INPP4B: variants seen among roughly 807,000 people sequenced by gnomAD.
INPP4B encodes the protein inositol polyphosphate 4-phosphatase type II.
INPP4B carries 55 observed loss-of-function variants against 122.5 expected under a neutral mutation model. The observed-to-expected ratio is 0.45, with a 90% CI of 0.36 to 0.56. INPP4B has a LOEUF of 0.56. Ranked by LOEUF, INPP4B falls within the 20% of genes least tolerant of loss-of-function variation. The pLI, the probability that INPP4B is intolerant of heterozygous loss-of-function variation, is 0.00. For missense variants in INPP4B, 1,000 were observed against 1,097.7 expected (o/e 0.91, Z 1.26); for synonymous variants, 403 against 388.7 (o/e 1.04, Z -0.43).
intron 2 of INPP4B, among the ~76,000 whole-genome samples, chr4:142,689,305 C>T (rs1390212503): frequency 6.6e-6 from 1 of 152,118 alleles, no homozygotes; most frequent in African/African-American, 2.4e-5. Context: ...CCTGTTGCAC[C>T]TTGTATCTCC....
chr4:142,724,724 A>C (rs938457320), intron 2 of INPP4B, among the ~76,000 whole-genome samples: 1 of 152,156 alleles, frequency 6.6e-6, no homozygotes, highest in African/African-American at 2.4e-5. Context: ...GTTTTGAAGA[A>C]TTACCTAGAA....
intron 9 of INPP4B, among the ~76,000 whole-genome samples, chr4:142,295,492 C>T (rs1042994484): frequency 3.9e-5 from 6 of 152,170 alleles, no homozygotes; most frequent in African/African-American, 1.4e-4. Flanking sequence ...CAACCACTCA[C>T]ACATTTCTTT....
chr4:142,520,459 C>T (rs1825942747), intron 2 of INPP4B, among the ~76,000 whole-genome samples: 1 of 151,846 alleles, frequency 6.6e-6, no homozygotes, highest in African/African-American at 2.4e-5. Context: ...ATTAACTTGG[C>T]TAAGGGAGCC....
At chr4:142,686,688 T>G (rs1759394251) in intron 2 of INPP4B, among the ~76,000 whole-genome samples, 1 of 152,116 alleles carries the variant, frequency 6.6e-6, no homozygotes, top group African/African-American at 2.4e-5. Context: ...AAAATGCATT[T>G]CATAGATCAG....
chr4:142,844,481 C>T (rs1783939698), intron 1 of INPP4B, among the ~76,000 whole-genome samples: 1 of 152,224 alleles, frequency 6.6e-6, no homozygotes, highest in Admixed American at 6.5e-5. Flanking sequence ...TTTGCAATAG[C>T]ATTTTACATT....
chr4:142,351,452 C>G (rs565007143), intron 7 of INPP4B, among the ~76,000 whole-genome samples: 17 of 151,984 alleles, frequency 1.1e-4, no homozygotes, highest in African/African-American at 4.1e-4. Context: ...GTTTCTGTTC[C>G]CTGATGGACC....
At chr4:142,459,048 G>A (rs1214915911) in intron 3 of INPP4B, among the ~76,000 whole-genome samples, 1 of 152,166 alleles carries the variant, frequency 6.6e-6, no homozygotes, top group Non-Finnish European at 1.5e-5. Flanking sequence ...CTGCAGCCTG[G>A]TGATCACAGC....
At chr4:142,166,125 T>C (rs1008512971) in intron 16 of INPP4B, among the ~76,000 whole-genome samples, 1 of 151,780 alleles carries the variant, frequency 6.6e-6, no homozygotes, top group African/African-American at 2.4e-5. Flanking sequence ...CTTTAACATA[T>C]GCATATTTTA....
intron 10 of INPP4B, among the ~76,000 whole-genome samples, chr4:142,265,796 C>T (rs1041087335): frequency 2.0e-5 from 3 of 152,176 alleles, no homozygotes; most frequent in Non-Finnish European, 4.4e-5. Flanking sequence ...ATTTCTGGAA[C>T]AGCTCAGTTA....
intron 8 of INPP4B, among the ~76,000 whole-genome samples, chr4:142,314,048 T>C (rs1246025863): frequency 6.6e-6 from 1 of 152,208 alleles, no homozygotes; most frequent in Non-Finnish European, 1.5e-5. Context: ...GCCCCAGGGC[T>C]TCTTAGACCT....
At chr4:142,649,051 C>T (rs1752395401) in intron 2 of INPP4B, among the ~76,000 whole-genome samples, 2 of 152,212 alleles carry the variant, frequency 1.3e-5, no homozygotes, top group East Asian at 1.9e-4. Context: ...TGTTCTGCAG[C>T]CTCTGCTGGT....
At chr4:142,601,885 C>T (rs1054051821) in intron 2 of INPP4B, among the ~76,000 whole-genome samples, 5 of 141,834 alleles carry the variant, frequency 3.5e-5, no homozygotes, top group South Asian at 2.3e-4. Flanking sequence ...AGGAGAATGG[C>T]GTGAACCCGG....
chr4:142,398,377 A>T (rs1236364123), intron 7 of INPP4B, among the ~76,000 whole-genome samples: 1 of 11,170 alleles, frequency 9.0e-5, no homozygotes, highest in Non-Finnish European at 2.1e-4. Flanking sequence ...GACTCTGTCT[A>T]AAAAAAAAAA....
chr4:142,167,721 A>AT (rs1432766228), intron 16 of INPP4B, among the ~76,000 whole-genome samples: 1 of 151,730 alleles, frequency 6.6e-6, no homozygotes, highest in East Asian at 1.9e-4. Context: ...CATTGGTATT[A>AT]TTTTTATTTG....
intron 2 of INPP4B, among the ~76,000 whole-genome samples, chr4:142,720,795 C>CTATATATATATA (rs1192287551): frequency 8.9e-5 from 3 of 33,606 alleles, no homozygotes; most frequent in African/African-American, 2.0e-4. Context: ...CTCTCTCTCT[C>CTATATATATATA]TCTCTCTCTC....
At chr4:142,644,743 A>G (rs1434603657) in intron 2 of INPP4B, among the ~76,000 whole-genome samples, 1 of 140,636 alleles carries the variant, frequency 7.1e-6, no homozygotes, top group Non-Finnish European at 1.5e-5. Context: ...CTCTACTTAA[A>G]AAAAAAAAAA....
At chr4:142,283,420 T>C (rs1181024599) in intron 9 of INPP4B, among the ~76,000 whole-genome samples, 1 of 152,164 alleles carries the variant, frequency 6.6e-6, no homozygotes, top group Non-Finnish European at 1.5e-5. Context: ...GCTAGAGCTA[T>C]AAGAACAGTC....
At chr4:142,139,280 T>C (rs1806434683) in intron 18 of INPP4B, among the ~76,000 whole-genome samples, 1 of 151,858 alleles carries the variant, frequency 6.6e-6, no homozygotes, top group Non-Finnish European at 1.5e-5. Flanking sequence ...ATTGCATTAA[T>C]TTGTGAGTTG....
intron 2 of INPP4B, among the ~76,000 whole-genome samples, chr4:142,557,690 A>T (rs1729517107): frequency 6.6e-6 from 1 of 152,212 alleles, no homozygotes; most frequent in African/African-American, 2.4e-5. Flanking sequence ...AAAAAATAGA[A>T]AAAATATTAG....
Sources: gnomAD v4.1 joint callset for allele counts (sites outside exome capture counted in the v4.1 genomes callset) on GRCh38, gnomAD v4.1.1 for gene constraint, MANE v1.5 for transcripts, NCBI Gene and HGNC (gene_info 2026-07-23, HGNC 2026-07-21) for gene names.